GLT8D2: variants seen among roughly 807,000 people sequenced by gnomAD.
GLT8D2 encodes the protein glycosyltransferase 8 domain containing 2.
A neutral mutation model predicts 44.5 loss-of-function variants in GLT8D2; 45 were observed. That is an observed-to-expected ratio of 1.01 (90% CI 0.80 to 1.30). The LOEUF is 1.30. GLT8D2 is among the 50% of genes most tolerant of loss of function. GLT8D2 has a pLI of 0.00. For missense variants in GLT8D2, 400 were observed against 430.4 expected (o/e 0.93, Z 0.62); for synonymous variants, 156 against 157.2 (o/e 0.99, Z 0.06).
At chr12:104,026,147 G>A (rs532900346) in intron 1 of GLT8D2, among the ~76,000 whole-genome samples, 2 of 151,542 alleles carry the variant, frequency 1.3e-5, no homozygotes, top group Non-Finnish European at 2.9e-5. Flanking sequence ...GACGTGGTGG[G>A]CCACACCTGT....
chr12:104,019,259 C>G (rs772971382), intron 3 of GLT8D2, among the ~76,000 whole-genome samples: 2 of 151,946 alleles, frequency 1.3e-5, no homozygotes, highest in South Asian at 4.2e-4. Flanking sequence ...TCCCGAGTAG[C>G]TGAGACTACA....
chr12:104,006,371 T>C (rs1875014682), intron 4 of GLT8D2, among the ~76,000 whole-genome samples: 1 of 152,052 alleles, frequency 6.6e-6, no homozygotes, highest in Non-Finnish European at 1.5e-5. Context: ...AAACTTAAAG[T>C]ATAATAAATA....
chr12:104,035,252 C>T, intron 1 of GLT8D2, among the ~76,000 whole-genome samples: 1 of 152,192 alleles, frequency 6.6e-6, no homozygotes, highest in East Asian at 1.9e-4. Context: ...AACCAGAGCG[C>T]CTCTTCTCCT....
chr12:103,995,219 C>A (rs532315005), intron 8 of GLT8D2, among the ~76,000 whole-genome samples: 46 of 152,302 alleles, frequency 3.0e-4, no homozygotes, highest in African/African-American at 1.0e-3. Flanking sequence ...CTAGGTCACT[C>A]ATCTCCTCTA....
chr12:104,020,710 G>T (rs1234280319), intron 2 of GLT8D2, among the ~76,000 whole-genome samples: 3 of 152,138 alleles, frequency 2.0e-5, no homozygotes, highest in Non-Finnish European at 4.4e-5. Flanking sequence ...AGATGGCATT[G>T]GAGGGAAAGA....
intron 1 of GLT8D2, among the ~76,000 whole-genome samples, chr12:104,039,380 T>G (rs1398819924): frequency 6.6e-6 from 1 of 152,052 alleles, no homozygotes; most frequent in Non-Finnish European, 1.5e-5. Flanking sequence ...GGGAGAAAAT[T>G]TTTGCAATCT....
chr12:104,003,420 A>G (rs1391067104), intron 4 of GLT8D2, 114 bp from the exon 5 acceptor site: 3 of 884,684 alleles, frequency 3.4e-6, no homozygotes, highest in Admixed American at 4.8e-5. Flanking sequence ...GAGACTGCTG[A>G]TTGTTCTCCA....
intron 5 of GLT8D2, among the ~76,000 whole-genome samples, chr12:103,999,844 T>C (rs754838567): frequency 1.4e-4 from 21 of 152,260 alleles, no homozygotes; most frequent in Non-Finnish European, 2.9e-4. Context: ...CTGTGGTTGC[T>C]GGTACTATCT....
chr12:104,003,395 T>C lies in GLT8D2; in HGVS notation c.113-89A>G, dbSNP rs113462360. On this transcript the variant is annotated intron_variant, in intron 4 of 10. Coordinates refer to ENST00000360814, the MANE Select transcript of GLT8D2 (RefSeq NM_001384711.1). ...CATCTTCCATACTCCTGGGGGAAGA[T>C]GGCATAGTGTGGAAGAGACTGCTGA... 390 of 1,111,852 alleles carry C rather than the reference T, an allele frequency of 3.5e-4. 1 individual carries two copies. The highest frequency in any genetic ancestry group is 3.2e-3 in the Middle Eastern group (16 of 4,956). The allele number at this position is 1,111,852 out of a possible 1,614,324, so 68.9% of individuals were successfully genotyped here.
chr12:104,011,746 T>C (rs1032217875), intron 4 of GLT8D2, among the ~76,000 whole-genome samples: 1 of 152,022 alleles, frequency 6.6e-6, no homozygotes, highest in African/African-American at 2.4e-5. Flanking sequence ...CAGAAGAGTA[T>C]TTGGTAAATT....
intron 1 of GLT8D2, among the ~76,000 whole-genome samples, chr12:104,038,906 T>G (rs1435800854): frequency 1.3e-5 from 2 of 152,164 alleles, no homozygotes; most frequent in African/African-American, 4.8e-5. Context: ...ACTAAAAGGC[T>G]ACAGTAACCA....
At chr12:104,040,255 C>A (rs2136469454) in intron 1 of GLT8D2, among the ~76,000 whole-genome samples, 1 of 152,172 alleles carries the variant, frequency 6.6e-6, no homozygotes, top group Middle Eastern at 3.4e-3. Context: ...TGTAACAAAC[C>A]TGCACGTTGT....
At chr12:104,033,539 T>G (rs559122006) in intron 1 of GLT8D2, among the ~76,000 whole-genome samples, 27 of 152,198 alleles carry the variant, frequency 1.8e-4, no homozygotes, top group Non-Finnish European at 2.6e-4. Flanking sequence ...GGTACAAGCT[T>G]GCCGTTATAA....
chr12:104,021,939 GAAGAAGAAGAAGAA>G (rs1877811661), intron 1 of GLT8D2, among the ~76,000 whole-genome samples: 10 of 26,756 alleles, frequency 3.7e-4, no homozygotes, highest in African/African-American at 1.0e-3. Flanking sequence ...AGAAGAAGAA[GAAGAAGAAGAAGAA>G]GAGGAAGAAG....
At chr12:104,011,571 A>G (rs559636664) in intron 4 of GLT8D2, among the ~76,000 whole-genome samples, 1 of 152,354 alleles carries the variant, frequency 6.6e-6, no homozygotes, top group South Asian at 2.1e-4. Context: ...GGGAGATTAC[A>G]TGGAGTGTCA....
In GLT8D2 at chr12:104,004,055, G is replaced by A. The variant is rs536475159; in HGVS notation, c.113-749C>T. ...CATAATCAAGTGCGCTTCATCCCTG[G>A]GATGCAAGGCTGGTTCAACATACAC... On this transcript the variant is annotated intron_variant, in intron 4 of 10. Transcript: ENST00000360814. Among the ~76,000 whole-genome samples the A allele has an allele frequency of 2.6e-5, 4 of 152,194 alleles. 1 individual carries two copies. The highest frequency in any genetic ancestry group is 9.6e-5 in the African/African-American group (4 of 41,526).
intron 1 of GLT8D2, among the ~76,000 whole-genome samples, chr12:104,023,012 C>G (rs1183222417): frequency 6.6e-6 from 1 of 152,182 alleles, no homozygotes; most frequent in African/African-American, 2.4e-5. Context: ...AAAGAATTGG[C>G]CCATGAGAAC....
chr12:104,031,420 T>C (rs1181992419), intron 1 of GLT8D2: 1 of 1,611,272 alleles, frequency 6.2e-7, no homozygotes, highest in African/African-American at 1.3e-5. Flanking sequence ...CGACTGGTAT[T>C]CCCATTGTCT....
chr12:104,050,877 A>C (rs1881653740), upstream of GLT8D2, among the ~76,000 whole-genome samples: 1 of 148,272 alleles, frequency 6.7e-6, no homozygotes, highest in South Asian at 2.1e-4. Flanking sequence ...TGCAGTGATG[A>C]GATCTCGGCT....
Sources: allele counts gnomAD v4.1 joint callset (sites outside exome capture counted in the v4.1 genomes callset), GRCh38; gene constraint gnomAD v4.1.1; transcripts MANE v1.5; gene names NCBI Gene and HGNC (gene_info 2026-07-23, HGNC 2026-07-21).